ZFPM1: variants seen among roughly 807,000 people sequenced by gnomAD.
ZFPM1 encodes zinc finger protein ZFPM1.
A neutral mutation model predicts 46.3 loss-of-function variants in ZFPM1; 28 were observed. The observed-to-expected ratio is 0.60, with a 90% confidence interval of 0.45 to 0.83. The LOEUF (loss-of-function observed/expected upper bound fraction) is 0.83. Ranked by LOEUF, ZFPM1 falls within the 40% of genes least tolerant of loss-of-function variation. The pLI is 0.00. For missense variants in ZFPM1, 1,878 were observed against 1,432.4 expected, an observed-to-expected ratio of 1.31 and a Z score of -5.02; for synonymous variants, 957 against 675.9, an observed-to-expected ratio of 1.42 and a Z score of -6.45.
chr16:88,490,085 A>C (rs1336519604), intron 3 of ZFPM1, among the ~76,000 whole-genome samples: 1 of 148,158 alleles, frequency 6.7e-6, no homozygotes, highest in Non-Finnish European at 1.5e-5. Flanking sequence ...ATGGAGTCTC[A>C]CTCTGTCGCC....
chr16:88,493,455 G>A (rs1490878780), intron 3 of ZFPM1, among the ~76,000 whole-genome samples: 1 of 146,594 alleles, frequency 6.8e-6, no homozygotes, highest in Non-Finnish European at 1.5e-5. Flanking sequence ...AGCTGTCCCG[G>A]GCTGCGGGGA....
intron 1 of ZFPM1, among the ~76,000 whole-genome samples, chr16:88,463,031 G>A (rs770508365): frequency 2.0e-5 from 3 of 152,140 alleles, no homozygotes; most frequent in Non-Finnish European, 4.4e-5. Context: ...CCTTGCGTGG[G>A]CCCACTCCTT....
intron 1 of ZFPM1, among the ~76,000 whole-genome samples, chr16:88,478,003 G>C (rs1403218051): frequency 6.9e-6 from 1 of 144,420 alleles, no homozygotes; most frequent in Non-Finnish European, 1.5e-5. Flanking sequence ...GGGTGGGTGG[G>C]TCTGGGACTC....
At chr16:88,524,878 T>TG (rs768934602) in intron 4 of ZFPM1, among the ~76,000 whole-genome samples, 14 of 152,192 alleles carry the variant, frequency 9.2e-5, no homozygotes, top group Non-Finnish European at 1.5e-4. Context: ...AGCCAGGGGT[T>TG]GGGGTGGCTG....
chr16:88,459,244 A>G (rs1489135701), intron 1 of ZFPM1, among the ~76,000 whole-genome samples: 1 of 152,190 alleles, frequency 6.6e-6, no homozygotes. Context: ...CTCTGAGAGC[A>G]GGACTGGGTC....
intron 3 of ZFPM1, among the ~76,000 whole-genome samples, chr16:88,495,341 CAG>C (rs1909876173): frequency 6.6e-6 from 1 of 152,214 alleles, no homozygotes; most frequent in African/African-American, 2.4e-5. Context: ...TCCCCTGGAA[CAG>C]GCCTCCGCCA....
intron 3 of ZFPM1, among the ~76,000 whole-genome samples, chr16:88,509,347 G>A (rs1407854366): frequency 2.6e-5 from 4 of 152,270 alleles, no homozygotes; most frequent in African/African-American, 4.8e-5. Context: ...CGATGGGGCC[G>A]ATTAGATAAG....
chr16:88,533,362 G>A lies in ZFPM1; in HGVS notation c.1404G>A (p.Glu468=), dbSNP rs1249955077. The A allele has an allele frequency of 1.1e-5, 17 of 1,530,974 alleles. No individual in the cohort carries two copies. In the East Asian group the frequency reaches 3.8e-4, roughly 34 times the overall value. 94.8% of individuals were successfully genotyped at this position (1,530,974 alleles called of 1,614,324 possible). A position where few individuals can be genotyped will look rare whatever the true frequency, so the allele number is the denominator to read the frequency against. Residue 468 remains glutamate, a synonymous_variant, in exon 10 of 10, where the codon GAG becomes GAA. Coordinates refer to ENST00000319555, the MANE Select transcript of ZFPM1 (RefSeq NM_153813.3). Reference sequence around the variant, plus strand: ...GGAGCATCAAGGTGGAGGCGGTGGAGGAGCCGGAGGCGGCCCCCATCCTGG... The same window carrying A: ...GGAGCATCAAGGTGGAGGCGGTGGAAGAGCCGGAGGCGGCCCCCATCCTGG... The part of the protein sequence containing the change: ...APRSIKVEAV[E]EPEAAPILGP...
intron 4 of ZFPM1, among the ~76,000 whole-genome samples, chr16:88,523,822 G>A (rs937059603): frequency 6.6e-6 from 1 of 152,178 alleles, no homozygotes; most frequent in Admixed American, 6.5e-5. Context: ...TGCCGGATGG[G>A]AGCCTCACCC....
chr16:88,500,913 C>G (rs549918822), intron 3 of ZFPM1, among the ~76,000 whole-genome samples: 2 of 152,382 alleles, frequency 1.3e-5, no homozygotes, highest in South Asian at 4.1e-4. Context: ...CTCACCTGAC[C>G]GACAGGTACA....
Position 88,532,102 on chromosome 16 carries a change from C to A in ZFPM1, c.813C>A (p.Gly271=). ...ACTGCGCCAGCCGCCAGGGCACCGGCTCCCCGGCCGCAGCCGCCACAGACG... is the reference window on the plus strand; with the variant it reads ...ACTGCGCCAGCCGCCAGGGCACCGGATCCCCGGCCGCAGCCGCCACAGACG... The part of the protein sequence containing the change: ...LYYCASRQGT[G]SPAAAATDEK... The change falls in exon 7 of 10, where the codon GGC becomes GGA. Residue 271 remains glycine (G), a synonymous_variant. Transcript: ENST00000319555. 6.2e-7 allele frequency: 1 copy of A among 1,612,408 alleles called. No individual in the cohort carries two copies. The highest frequency in any genetic ancestry group is 8.5e-7 in the Non-Finnish European group (1 of 1,179,720).
intron 3 of ZFPM1, among the ~76,000 whole-genome samples, chr16:88,492,376 C>G (rs996376922): frequency 1.3e-5 from 2 of 152,168 alleles, no homozygotes; most frequent in Admixed American, 1.3e-4. Flanking sequence ...TGGCCTGGGG[C>G]CCTGTTCTTG....
At chr16:88,506,291 G>T (rs1910656545) in intron 3 of ZFPM1, among the ~76,000 whole-genome samples, 1 of 150,506 alleles carries the variant, frequency 6.6e-6, no homozygotes, top group African/African-American at 2.5e-5. Context: ...GCAGGGGTGG[G>T]GGGGCACCAG....
rs750224100 is a variant in ZFPM1, at chr16:88,458,418, G to T, written c.40+4740G>T. Among the ~76,000 whole-genome samples the T allele has an allele frequency of 1.6e-4, 24 of 152,244 alleles. 1 individual carries two copies. The highest frequency in any genetic ancestry group is 2.8e-4 in the Non-Finnish European group (19 of 68,036). ...CCGTCAGCCCCGCCAGCCCCTCCCT[G>T]GAGGTCACCAGGAACCCAGTGTGGC... On this transcript the variant is annotated intron_variant, in intron 1 of 9. Transcript: ENST00000319555.
intron 3 of ZFPM1, chr16:88,513,312 G>C (rs1249289597): frequency 2.0e-5 from 3 of 152,266 alleles, no homozygotes; most frequent in African/African-American, 7.2e-5. Flanking sequence ...CCCTGGGGAA[G>C]ACAAAGACCC....
intron 4 of ZFPM1, among the ~76,000 whole-genome samples, chr16:88,525,266 A>G (rs1454575354): frequency 2.0e-5 from 3 of 152,302 alleles, no homozygotes; most frequent in Non-Finnish European, 2.9e-5. Flanking sequence ...GCGTGCTGGC[A>G]AAGTCCAGGA....
intron 3 of ZFPM1, among the ~76,000 whole-genome samples, chr16:88,492,853 C>T (rs1044873332): frequency 7.9e-5 from 12 of 152,188 alleles, no homozygotes; most frequent in African/African-American, 2.7e-4. Context: ...AAGGGACACC[C>T]AAGAGGCCCC....
intron 5 of ZFPM1, among the ~76,000 whole-genome samples, chr16:88,527,300 C>G (rs912986078): frequency 1.3e-5 from 2 of 152,356 alleles, no homozygotes; most frequent in Non-Finnish European, 2.9e-5. Flanking sequence ...GCCACTGGAC[C>G]ATCCTCCATG....
At chr16:88,479,048 C>T (rs1256040520) in intron 1 of ZFPM1, among the ~76,000 whole-genome samples, 4 of 152,212 alleles carry the variant, frequency 2.6e-5, no homozygotes, top group South Asian at 2.1e-4. Context: ...CCGTCTGCTC[C>T]GGGCTCTCCC....
Sources: allele counts gnomAD v4.1 joint callset (sites outside exome capture counted in the v4.1 genomes callset), GRCh38; gene constraint gnomAD v4.1.1; transcripts MANE v1.5; gene names NCBI Gene and HGNC (gene_info 2026-07-23, HGNC 2026-07-21).